The following PRKAG2 variants were observed in gnomAD, a reference collection of about 807,000 sequenced individuals.
PRKAG2 encodes protein kinase AMP-activated non-catalytic subunit gamma 2.
A neutral mutation model predicts 69.6 loss-of-function variants in PRKAG2; 26 were observed. The observed-to-expected ratio is 0.37, with a 90% CI of 0.27 to 0.52. The LOEUF is 0.52. Ranked by LOEUF, PRKAG2 falls within the 20% of genes least tolerant of loss-of-function variation. The pLI is 0.90. For missense variants in PRKAG2, 557 were observed against 740.0 expected (o/e 0.75, Z 2.87); for synonymous variants, 293 against 285.0 (o/e 1.03, Z -0.28).
chr7:151,865,879 G>T (rs1489252607), intron 1 of PRKAG2, among the ~76,000 whole-genome samples: 1 of 152,086 alleles, frequency 6.6e-6, no homozygotes, highest in Non-Finnish European at 1.5e-5. Flanking sequence ...AATTAGCTGG[G>T]TGTGGTGGCG....
At chr7:151,702,877 T>C (rs1837954041) in intron 3 of PRKAG2, among the ~76,000 whole-genome samples, 1 of 152,182 alleles carries the variant, frequency 6.6e-6, no homozygotes, top group Admixed American at 6.5e-5. Context: ...ACTGTAGGTC[T>C]GGAATGCCAG....
chr7:151,873,455 C>A (rs1390506624), intron 1 of PRKAG2, among the ~76,000 whole-genome samples: 1 of 152,198 alleles, frequency 6.6e-6, no homozygotes, highest in South Asian at 2.1e-4. Context: ...ATAACTGCCA[C>A]CTAGCCTGGC....
chr7:151,591,611 G>A (rs1384940201), intron 6 of PRKAG2, among the ~76,000 whole-genome samples: 1 of 152,204 alleles, frequency 6.6e-6, no homozygotes, highest in Non-Finnish European at 1.5e-5. Context: ...TGTTTTGGAG[G>A]CAACATGCAC....
intron 1 of PRKAG2, among the ~76,000 whole-genome samples, chr7:151,802,109 G>C (rs902485023): frequency 4.6e-5 from 7 of 152,162 alleles, no homozygotes; most frequent in African/African-American, 7.2e-5. Context: ...AGAAGGGTTT[G>C]GGATCTTTCT....
At chr7:151,760,885 C>A (rs1049175696) in intron 3 of PRKAG2, among the ~76,000 whole-genome samples, 8 of 152,202 alleles carry the variant, frequency 5.3e-5, no homozygotes, top group African/African-American at 1.9e-4. Context: ...TCCATAGCTC[C>A]CCTGGGGCAA....
chr7:151,557,316 C>A (rs1422323052), intron 15 of PRKAG2, 84 bp from the exon 16 acceptor site: 1 of 1,612,574 alleles, frequency 6.2e-7, no homozygotes, highest in Non-Finnish European at 8.5e-7. Context: ...CTGTGTCTGG[C>A]AGTGCCTTAG....
At chr7:151,634,975 G>A (rs1825496728) in intron 4 of PRKAG2, among the ~76,000 whole-genome samples, 1 of 148,082 alleles carries the variant, frequency 6.8e-6, no homozygotes, top group Non-Finnish European at 1.5e-5. Flanking sequence ...TTTGAGACAG[G>A]GTCTCCCTCT....
intron 5 of PRKAG2, 34 bp from the exon 6 acceptor site, chr7:151,595,488 T>C (rs762036838): frequency 7.1e-7 from 1 of 1,411,704 alleles, no homozygotes; most frequent in Non-Finnish European, 1.0e-6. Flanking sequence ...TCAGTAATAA[T>C]AAAGAATTCC....
intron 3 of PRKAG2, among the ~76,000 whole-genome samples, chr7:151,729,607 A>G (rs2151674372): frequency 6.6e-6 from 1 of 152,238 alleles, no homozygotes; most frequent in Non-Finnish European, 1.5e-5. Flanking sequence ...GGTGTGATCC[A>G]GAGCCCTCCC....
chr7:151,867,739 A>G (rs1186971877), intron 1 of PRKAG2, among the ~76,000 whole-genome samples: 2 of 152,210 alleles, frequency 1.3e-5, no homozygotes, highest in African/African-American at 4.8e-5. Context: ...GAAAGCACAC[A>G]GAAACGAGTT....
intron 3 of PRKAG2, among the ~76,000 whole-genome samples, chr7:151,717,791 G>T (rs1221883216): frequency 6.6e-6 from 1 of 152,188 alleles, no homozygotes; most frequent in Non-Finnish European, 1.5e-5. Context: ...AAAATAGTGG[G>T]GTTTTTCAGC....
chr7:151,617,065 G>A (rs1820314617), intron 5 of PRKAG2, among the ~76,000 whole-genome samples: 1 of 151,978 alleles, frequency 6.6e-6, no homozygotes, highest in South Asian at 2.1e-4. Flanking sequence ...TACAAGACCA[G>A]CCTGACCAAC....
At chr7:151,775,318 T>C (rs560869287) in intron 3 of PRKAG2, among the ~76,000 whole-genome samples, 9 of 152,070 alleles carry the variant, frequency 5.9e-5, no homozygotes, top group Admixed American at 3.9e-4. Flanking sequence ...TCAGATATCC[T>C]GCGACAAGGC....
intron 3 of PRKAG2, among the ~76,000 whole-genome samples, chr7:151,716,666 A>G (rs533370188): frequency 2.0e-5 from 3 of 152,276 alleles, no homozygotes; most frequent in South Asian, 4.2e-4. Flanking sequence ...AGACATAATC[A>G]ACCTAAGAAT....
chr7:151,612,762 G>A (rs1819169403), intron 5 of PRKAG2, among the ~76,000 whole-genome samples: 2 of 152,242 alleles, frequency 1.3e-5, no homozygotes, highest in Non-Finnish European at 2.9e-5. Context: ...AAAGGCACAG[G>A]TGCATGGGGA....
intron 1 of PRKAG2, among the ~76,000 whole-genome samples, chr7:151,841,692 AGTGATGGTAGGTGGGGAT>A (rs2079293573): frequency 1.6e-5 from 1 of 62,542 alleles, no homozygotes; most frequent in Non-Finnish European, 3.6e-5. Flanking sequence ...TAGTGATGGT[AGTGATGGTAGGTGGGGAT>A]GGTAGTGATG....
At chr7:151,824,837 G>A (rs974927781) in intron 1 of PRKAG2, among the ~76,000 whole-genome samples, 1 of 152,160 alleles carries the variant, frequency 6.6e-6, no homozygotes, top group African/African-American at 2.4e-5. Context: ...ACACTCGTGC[G>A]CTTTCTCCTG....
chr7:151,762,479 T>A (rs889429347), intron 3 of PRKAG2, among the ~76,000 whole-genome samples: 1 of 152,174 alleles, frequency 6.6e-6, no homozygotes, highest in Admixed American at 6.5e-5. Flanking sequence ...GAGCCACCAC[T>A]GAGAGGCAGT....
rs1451528999 is a variant in PRKAG2, at chr7:151,773,048, AGAGAGGGAGGGAGG to A, written c.466+8090_466+8103del. ...AAGAGAGAGAGAGAGAGAGAGAGAG[AGAGAGGGAGGGAGG>A]GAGGGAGGGAGGGAGGGAGGGAGGG... On this transcript the variant is annotated intron_variant, in intron 3 of 15. Coordinates refer to ENST00000287878, the MANE Select transcript of PRKAG2 (RefSeq NM_016203.4). Among the ~76,000 whole-genome samples the A allele has an allele frequency of 1.9e-3, 64 of 34,534 alleles. 2 individuals are homozygous for A. The highest frequency in any genetic ancestry group is 7.4e-3 in the African/African-American group (54 of 7,276). The allele number at this position is 34,534 out of a possible 152,430, so 22.7% of individuals were successfully genotyped here.
Sources: gnomAD v4.1 joint callset for allele counts (sites outside exome capture counted in the v4.1 genomes callset) on GRCh38, gnomAD v4.1.1 for gene constraint, MANE v1.5 for transcripts, NCBI Gene and HGNC (gene_info 2026-07-23, HGNC 2026-07-21) for gene names.